PDE5A: variants seen among roughly 807,000 people sequenced by gnomAD.
PDE5A encodes phosphodiesterase 5A.
Under a neutral mutation model 110.2 loss-of-function variants are expected in PDE5A, and 67 were observed. The ratio of observed to expected loss-of-function variants is 0.61; its 90% CI spans 0.50 to 0.75. The LOEUF is 0.75. Ranked by LOEUF, PDE5A falls within the 30% of genes least tolerant of loss-of-function variation. The probability of loss-of-function intolerance (pLI) is 0.00; values close to 1 mark genes in which losing one functional copy is unlikely to be tolerated. For missense variants in PDE5A, 862 were observed against 1,045.1 expected (o/e 0.82, Z 2.42); for synonymous variants, 328 against 351.2 (o/e 0.93, Z 0.74).
At chr4:119,535,490 CT>C (rs1257822869) in intron 11 of PDE5A, among the ~76,000 whole-genome samples, 2 of 152,140 alleles carry the variant, frequency 1.3e-5, no homozygotes, top group African/African-American at 4.8e-5. Context: ...TATTTACTTC[CT>C]AGTTTTTCAG....
chr4:119,596,545 G>C lies in PDE5A; in HGVS notation c.809C>G (p.Pro270Arg). ...TACCTCTTCCCTATGATTCTTAATTGGCATACAAAGAATGCTTTGTGTCTT... is the reference window on the plus strand; with the variant it reads ...TACCTCTTCCCTATGATTCTTAATTCGCATACAAAGAATGCTTTGTGTCTT... ...GYKTQSILCM[P>R]IKNHREEVVG... The change falls in exon 3 of 21, where the codon CCA (proline) becomes CGA (arginine). Residue 270 changes from proline (P) to arginine (R), a missense_variant. Pro to Arg is a moderately radical substitution (Grantham distance 103). Transcript: ENST00000354960. 6.3e-7 allele frequency: 1 copy of C among 1,590,118 alleles called. No homozygotes were observed. The highest frequency in any genetic ancestry group is 1.2e-5 in the South Asian group (1 of 86,474).
In PDE5A at chr4:119,511,098, T is replaced by A; in HGVS notation, c.2037A>T (p.Ser679=). The change falls in exon 15 of 21, where the codon TCA becomes TCT. Residue 679 remains serine, a synonymous_variant. Coordinates refer to ENST00000354960, the MANE Select transcript of PDE5A (RefSeq NM_001083.4). ...GGTCAAAATGATGGTGTTCCATGATTGAATGGCAGTAAAGCTGGGCAAGTG... is the reference window on the plus strand; with the variant it reads ...GGTCAAAATGATGGTGTTCCATGATAGAATGGCAGTAAAGCTGGGCAAGTG... The part of the protein sequence containing the change: ...EHPLAQLYCH[S]IMEHHHFDQC... 6.2e-7 allele frequency: 1 copy of A among 1,610,916 alleles called. No homozygotes were observed. Among genetic ancestry groups the A allele is most frequent in the Non-Finnish European group, 8.5e-7 (1 of 1,177,582 alleles).
intron 5 of PDE5A, among the ~76,000 whole-genome samples, chr4:119,563,470 CT>C (rs1173328658): frequency 6.6e-6 from 1 of 151,896 alleles, no homozygotes; most frequent in Non-Finnish European, 1.5e-5. Flanking sequence ...GTGTTTTTTT[CT>C]GGTAGATTTC....
intron 3 of PDE5A, chr4:119,569,941 T>A (rs1473481370): frequency 6.6e-6 from 1 of 152,230 alleles, no homozygotes; most frequent in Non-Finnish European, 1.5e-5. Flanking sequence ...GACTTTGGTA[T>A]GAGGGGATGG....
rs11297755 is a variant in PDE5A at position 119,588,170 on chromosome 4, C to CT, written c.831+8352dup. Among the ~76,000 whole-genome samples the CT allele has an allele frequency of 5.8e-3, 746 of 129,074 alleles. 1 individual carries two copies. Among genetic ancestry groups the CT allele is most frequent in the Middle Eastern group, 0.016 (4 of 248 alleles). The allele number at this position is 129,074 out of a possible 152,430, so 84.7% of individuals were successfully genotyped here. Reference sequence around the variant, plus strand: ...ACAAGAGCTACCTCTCCAATTTTTTCTTTTTTTTTTTTTTTTTTGAGACGG... The same window carrying CT: ...ACAAGAGCTACCTCTCCAATTTTTTCTTTTTTTTTTTTTTTTTTTGAGACGG... On this transcript the variant is annotated intron_variant, in intron 3 of 20. Coordinates refer to ENST00000354960, the MANE Select transcript of PDE5A (RefSeq NM_001083.4).
At position 119,606,701 on chromosome 4, in the gene PDE5A, CT is replaced by C; in HGVS notation, c.741+7del. Reference sequence around the variant, plus strand: ...GCACTGGTCCTGCTCTCATGCTCCCCTGTTTACCTCATATGCATCTTTGATG... The same window carrying C: ...GCACTGGTCCTGCTCTCATGCTCCCCGTTTACCTCATATGCATCTTTGATG... On this transcript the variant is annotated splice_region_variant and intron_variant, in intron 2 of 20. Transcript: ENST00000354960. 1 of 1,607,142 alleles carries C rather than the reference CT, an allele frequency of 6.2e-7. No individual in the cohort carries two copies. Among genetic ancestry groups the C allele is most frequent in the South Asian group, 1.1e-5 (1 of 90,788 alleles).
intron 11 of PDE5A, among the ~76,000 whole-genome samples, chr4:119,535,144 G>A (rs1406835718): frequency 1.3e-5 from 2 of 152,148 alleles, no homozygotes; most frequent in African/African-American, 4.8e-5. Context: ...GAAAGAGCAG[G>A]CTAGGGGACC....
chr4:119,603,054 T>A (rs1193119575), intron 2 of PDE5A, among the ~76,000 whole-genome samples: 1 of 152,210 alleles, frequency 6.6e-6, no homozygotes. Context: ...GGACATGGAA[T>A]GGGGTTCAGG....
At chr4:119,559,240 T>C (rs1158608606) in intron 7 of PDE5A, among the ~76,000 whole-genome samples, 1 of 152,072 alleles carries the variant, frequency 6.6e-6, no homozygotes, top group Non-Finnish European at 1.5e-5. Flanking sequence ...CCAGTAGAGG[T>C]CACTATCACA....
intron 3 of PDE5A, among the ~76,000 whole-genome samples, chr4:119,584,862 G>T (rs1728704931): frequency 6.6e-6 from 1 of 152,182 alleles, no homozygotes; most frequent in Non-Finnish European, 1.5e-5. Flanking sequence ...AAACGATGGT[G>T]CAGAAAGATA....
intron 1 of PDE5A, among the ~76,000 whole-genome samples, chr4:119,607,886 A>G (rs10022664): frequency 0.79 from 120,433 of 152,200 alleles, 48,013 homozygotes; most frequent in East Asian, 0.9. Context: ...TCTCAAAATT[A>G]GCTTATATTA....
At chr4:119,552,497 G>A (rs1255588013) in intron 9 of PDE5A, 53 bp downstream of exon 9, 1 of 631,430 alleles carries the variant, frequency 1.6e-6, no homozygotes, top group Admixed American at 4.0e-5. Flanking sequence ...AGTATAGCTG[G>A]GAATACATTT....
intron 3 of PDE5A, among the ~76,000 whole-genome samples, chr4:119,574,797 A>C (rs1447776174): frequency 6.6e-6 from 1 of 152,216 alleles, no homozygotes; most frequent in Non-Finnish European, 1.5e-5. Context: ...CAGTATCAAA[A>C]ATAAGTAGAT....
intron 1 of PDE5A, among the ~76,000 whole-genome samples, chr4:119,623,855 T>G (rs1730248256): frequency 6.6e-6 from 1 of 152,158 alleles, no homozygotes; most frequent in Non-Finnish European, 1.5e-5. Flanking sequence ...AATCGATTTA[T>G]TTGAAGATAT....
chr4:119,587,608 T>A (rs1197830287), intron 3 of PDE5A, among the ~76,000 whole-genome samples: 1 of 152,092 alleles, frequency 6.6e-6, no homozygotes, highest in African/African-American at 2.4e-5. Flanking sequence ...ATGGTCTCGA[T>A]CTCCTGACCT....
At chr4:119,622,886 G>GA (rs1178207407) in intron 1 of PDE5A, among the ~76,000 whole-genome samples, 5 of 113,636 alleles carry the variant, frequency 4.4e-5, no homozygotes, top group African/African-American at 9.6e-5. Context: ...AAGAAAGAAA[G>GA]AAAAAAAAAG....
intron 18 of PDE5A, among the ~76,000 whole-genome samples, chr4:119,503,368 GTTAC>G (rs1725437365): frequency 6.6e-6 from 1 of 152,048 alleles, no homozygotes; most frequent in African/African-American, 2.4e-5. Context: ...CATTATAGCA[GTTAC>G]TTAGAGGGAA....
At chr4:119,502,866 T>C (rs1255007702) in intron 18 of PDE5A, among the ~76,000 whole-genome samples, 2 of 152,160 alleles carry the variant, frequency 1.3e-5, no homozygotes, top group East Asian at 3.9e-4. Context: ...CATCTCTCTG[T>C]CTTTGGTAGC....
intron 1 of PDE5A, among the ~76,000 whole-genome samples, chr4:119,620,341 T>C (rs1425237642): frequency 1.3e-5 from 2 of 152,178 alleles, no homozygotes; most frequent in Admixed American, 1.3e-4. Context: ...TATGAAAACA[T>C]CTGAGAACCT....
Sources: gnomAD v4.1 joint callset for allele counts (sites outside exome capture counted in the v4.1 genomes callset) on GRCh38, gnomAD v4.1.1 for gene constraint, MANE v1.5 for transcripts, NCBI Gene and HGNC (gene_info 2026-07-23, HGNC 2026-07-21) for gene names.